The following NKAIN2 variants were observed in gnomAD, a reference collection of about 807,000 sequenced individuals.
NKAIN2 encodes sodium/potassium-transporting ATPase subunit beta-1-interacting protein 2.
NKAIN2 carries 14 observed loss-of-function variants against 32.6 expected under a neutral mutation model. The observed-to-expected ratio is 0.43, with a 90% CI of 0.28 to 0.67. The LOEUF (loss-of-function observed/expected upper bound fraction) is 0.67. Among genes scored for constraint, NKAIN2 ranks in the 30% least tolerant of loss-of-function variants. The probability of loss-of-function intolerance (pLI) is 0.17; values close to 1 mark genes in which losing one functional copy is unlikely to be tolerated. For missense variants in NKAIN2, 198 were observed against 258.3 expected (o/e 0.77, Z 1.60); for synonymous variants, 80 against 87.2 (o/e 0.92, Z 0.46).
chr6:123,829,195 A>G (rs1774272752), intron 1 of NKAIN2: 1 of 152,082 alleles, frequency 6.6e-6, no homozygotes, highest in South Asian at 2.1e-4. Flanking sequence ...TTCTAACTCT[A>G]CTTTCTCCTT....
chr6:124,725,321 C>T (rs144454266), intron 4 of NKAIN2, among the ~76,000 whole-genome samples: 2 of 152,190 alleles, frequency 1.3e-5, no homozygotes, highest in East Asian at 1.9e-4. Flanking sequence ...TCATTACAGC[C>T]TCAAACTCCT....
intron 1 of NKAIN2, among the ~76,000 whole-genome samples, chr6:123,852,814 C>A (rs1053837044): frequency 2.6e-5 from 4 of 152,158 alleles, no homozygotes; most frequent in Non-Finnish European, 5.9e-5. Context: ...CCTTCCTGAA[C>A]TTTACTATAA....
chr6:124,232,677 A>T (rs922874190), intron 1 of NKAIN2, among the ~76,000 whole-genome samples: 1 of 152,152 alleles, frequency 6.6e-6, no homozygotes, highest in Non-Finnish European at 1.5e-5. Flanking sequence ...AAATTTGCTT[A>T]CGTAAAATAT....
At chr6:123,837,345 C>T (rs1774673777) in intron 1 of NKAIN2, among the ~76,000 whole-genome samples, 1 of 151,988 alleles carries the variant, frequency 6.6e-6, no homozygotes, top group Admixed American at 6.6e-5. Flanking sequence ...GTCCTACAAC[C>T]CTCTATCATA....
At chr6:124,756,241 A>T (rs1777958110) in intron 4 of NKAIN2, among the ~76,000 whole-genome samples, 1 of 152,152 alleles carries the variant, frequency 6.6e-6, no homozygotes, top group Admixed American at 6.5e-5. Context: ...CTTCCCAAAA[A>T]ACTGGCTGCC....
At chr6:123,892,806 A>G (rs981523819) in intron 1 of NKAIN2, among the ~76,000 whole-genome samples, 1 of 151,766 alleles carries the variant, frequency 6.6e-6, no homozygotes, top group Non-Finnish European at 1.5e-5. Context: ...AGTCTGGTGA[A>G]GGGGCTCTCC....
intron 3 of NKAIN2, among the ~76,000 whole-genome samples, chr6:124,403,359 T>A (rs1403835033): frequency 6.6e-6 from 1 of 152,172 alleles, no homozygotes; most frequent in Non-Finnish European, 1.5e-5. Flanking sequence ...TTCTAATAAA[T>A]TACATATACA....
chr6:124,134,095 G>T (rs1235896648), intron 1 of NKAIN2, among the ~76,000 whole-genome samples: 1 of 142,912 alleles, frequency 7.0e-6, no homozygotes, highest in African/African-American at 2.6e-5. Context: ...GAGATACCAA[G>T]AAAAAGGTGA....
chr6:124,052,111 A>G (rs931493426), intron 1 of NKAIN2, among the ~76,000 whole-genome samples: 71 of 152,214 alleles, frequency 4.7e-4, no homozygotes, highest in African/African-American at 1.5e-3. Flanking sequence ...TTTAAATTTT[A>G]CAGAATTTTC....
intron 3 of NKAIN2, among the ~76,000 whole-genome samples, chr6:124,433,485 T>G (rs1775304456): frequency 6.6e-6 from 1 of 152,130 alleles, no homozygotes; most frequent in African/African-American, 2.4e-5. Context: ...TGATAAACTG[T>G]CATGTGGAAA....
chr6:123,912,381 G>T (rs1398872169), intron 1 of NKAIN2, among the ~76,000 whole-genome samples: 1 of 152,070 alleles, frequency 6.6e-6, no homozygotes, highest in South Asian at 2.1e-4. Context: ...GTCAATGATA[G>T]CATTTAAATC....
intron 2 of NKAIN2, among the ~76,000 whole-genome samples, chr6:124,288,073 A>G (rs890319834): frequency 3.3e-5 from 5 of 152,218 alleles, no homozygotes; most frequent in Admixed American, 2.6e-4. Context: ...AGAGGATAGT[A>G]TACTAAAATA....
intron 3 of NKAIN2, among the ~76,000 whole-genome samples, chr6:124,596,026 G>A (rs1292536070): frequency 6.6e-6 from 1 of 152,156 alleles, no homozygotes; most frequent in African/African-American, 2.4e-5. Context: ...ACCTCCTGGA[G>A]GCTGGACTGG....
chr6:124,618,066 C>G (rs1178333882), intron 3 of NKAIN2, among the ~76,000 whole-genome samples: 1 of 152,210 alleles, frequency 6.6e-6, no homozygotes, highest in Non-Finnish European at 1.5e-5. Context: ...AATGCAATTT[C>G]TGTGCAAATT....
At chr6:124,142,157 C>T (rs548123251) in intron 1 of NKAIN2, among the ~76,000 whole-genome samples, 1 of 152,254 alleles carries the variant, frequency 6.6e-6, no homozygotes, top group South Asian at 2.1e-4. Context: ...TGGGATTCTA[C>T]TTGGGAGGGG....
intron 1 of NKAIN2, among the ~76,000 whole-genome samples, chr6:123,882,964 GGT>G (rs68068463): frequency 1.5e-4 from 23 of 149,780 alleles, no homozygotes; most frequent in South Asian, 4.2e-4. Context: ...TTTGGTCTGG[GGT>G]GTGTGTGTGT....
At chr6:124,044,329 T>C (rs984997845) in intron 1 of NKAIN2, among the ~76,000 whole-genome samples, 25 of 152,002 alleles carry the variant, frequency 1.6e-4, no homozygotes, top group Admixed American at 1.1e-3. Context: ...CCTCCATATA[T>C]AAAAACTGTG....
chr6:124,549,573 T>G (rs1038220764), intron 3 of NKAIN2, among the ~76,000 whole-genome samples: 1 of 152,174 alleles, frequency 6.6e-6, no homozygotes, highest in Non-Finnish European at 1.5e-5. Flanking sequence ...CAGAACTTAT[T>G]CAGTGTTTTC....
chr6:124,042,117 G>A (rs373765519), intron 1 of NKAIN2, among the ~76,000 whole-genome samples: 173 of 152,160 alleles, frequency 1.1e-3, no homozygotes, highest in African/African-American at 4.1e-3. Context: ...GACTTACCAC[G>A]GAAAGAAAAG....
Sources: allele counts gnomAD v4.1 joint callset (sites outside exome capture counted in the v4.1 genomes callset), GRCh38; gene constraint gnomAD v4.1.1; transcripts MANE v1.5; gene names NCBI Gene and HGNC (gene_info 2026-07-23, HGNC 2026-07-21).